MPHOSPH8: variants seen among roughly 807,000 people sequenced by gnomAD.
MPHOSPH8 encodes the protein M-phase phosphoprotein 8.
A neutral mutation model predicts 87.3 loss-of-function variants in MPHOSPH8; 45 were observed. That is an observed-to-expected ratio of 0.52 (90% CI 0.41 to 0.66). MPHOSPH8 has a LOEUF of 0.66. Ranked by LOEUF, MPHOSPH8 falls within the 30% of genes least tolerant of loss-of-function variation. The pLI is 0.00. For synonymous variants in MPHOSPH8, 366 were observed against 376.9 expected (o/e 0.97, Z 0.33); for missense variants, 883 against 1,020.2 (o/e 0.87, Z 1.83).
chr13:19,659,692 C>G (rs1875403793), intron 7 of MPHOSPH8: 1 of 427,416 alleles, frequency 2.3e-6, no homozygotes, highest in African/African-American at 2.1e-5. Context: ...TGCACGTTCA[C>G]TTTGTAAAAT....
At chr13:19,658,429 C>G (rs9551940) in intron 5 of MPHOSPH8, among the ~76,000 whole-genome samples, 1 of 151,716 alleles carries the variant, frequency 6.6e-6, no homozygotes, top group Non-Finnish European at 1.5e-5. Flanking sequence ...TCAGTGTTCC[C>G]GTGCCTGTAG....
intron 1 of MPHOSPH8, among the ~76,000 whole-genome samples, chr13:19,640,657 T>C (rs1407861438): frequency 6.6e-6 from 1 of 152,108 alleles, no homozygotes; most frequent in African/African-American, 2.4e-5. Context: ...AGGTGCCTAC[T>C]ACCACGCCTG....
intron 1 of MPHOSPH8, among the ~76,000 whole-genome samples, chr13:19,641,350 T>G: frequency 6.8e-6 from 1 of 146,778 alleles, no homozygotes; most frequent in Non-Finnish European, 1.5e-5. Flanking sequence ...TGAGATGGAG[T>G]CTCGCTCTTT....
intron 5 of MPHOSPH8, among the ~76,000 whole-genome samples, chr13:19,652,308 C>T (rs557722634): frequency 6.6e-6 from 1 of 152,282 alleles, no homozygotes; most frequent in Admixed American, 6.5e-5. Context: ...GGCGTTGCCT[C>T]ACCTGGGAAA....
At chr13:19,665,318 CAT>C (rs1875752989) in intron 9 of MPHOSPH8, among the ~76,000 whole-genome samples, 1 of 152,184 alleles carries the variant, frequency 6.6e-6, no homozygotes, top group Admixed American at 6.5e-5. Flanking sequence ...AAGATGTAAA[CAT>C]AGTGATTTTC....
intron 7 of MPHOSPH8, among the ~76,000 whole-genome samples, chr13:19,660,491 AC>A (rs1875467246): frequency 6.6e-6 from 1 of 152,104 alleles, no homozygotes; most frequent in African/African-American, 2.4e-5. Flanking sequence ...CTTTGGGATT[AC>A]AATTCACAAA....
intron 7 of MPHOSPH8, 45 bp from the exon 8 acceptor site, chr13:19,661,653 T>A: frequency 6.5e-7 from 1 of 1,536,136 alleles, no homozygotes; most frequent in Non-Finnish European, 8.8e-7. Flanking sequence ...CTGAAATTGT[T>A]CTGACTAAAG....
At position 19,666,352 on chromosome 13, in the gene MPHOSPH8, G is replaced by A. The variant is rs1001717267; in HGVS notation, c.2020-73G>A. 4.9e-6 allele frequency: 7 copies of A among 1,438,446 alleles called. No homozygotes were observed. The African/African-American group carries it at 5.6e-5, about 11-fold the overall frequency. 89.1% of individuals were successfully genotyped at this position (1,438,446 alleles called of 1,614,324 possible). On this transcript the variant is annotated intron_variant, in intron 9 of 13. Coordinates refer to ENST00000361479, the MANE Select transcript of MPHOSPH8 (RefSeq NM_017520.4). Reference sequence around the variant, plus strand: ...CTCTCTTCACAGAACCGCTAAGCATGTATGGAGAAGGGACCAGCACCCATG... The same window carrying A: ...CTCTCTTCACAGAACCGCTAAGCATATATGGAGAAGGGACCAGCACCCATG...
chr13:19,634,169 A>G (rs1873865879), intron 1 of MPHOSPH8, among the ~76,000 whole-genome samples: 1 of 152,138 alleles, frequency 6.6e-6, no homozygotes, highest in Non-Finnish European at 1.5e-5. Flanking sequence ...GCTTCAGCAA[A>G]TTTTGGAGGA....
At chr13:19,639,786 A>G (rs1441999672) in intron 1 of MPHOSPH8, among the ~76,000 whole-genome samples, 1 of 152,202 alleles carries the variant, frequency 6.6e-6, no homozygotes, top group African/African-American at 2.4e-5. Context: ...CCAAATCCAA[A>G]GTCGTGAAAA....
At chr13:19,639,255 C>T (rs1407322867) in intron 1 of MPHOSPH8, among the ~76,000 whole-genome samples, 1 of 151,266 alleles carries the variant, frequency 6.6e-6, no homozygotes, top group East Asian at 1.9e-4. Flanking sequence ...TGCGACTCCT[C>T]CTGAGCAGGA....
In MPHOSPH8 at chr13:19,658,935, C is replaced by T. The variant is rs779350353; in HGVS notation, c.1577-60C>T. On this transcript the variant is annotated intron_variant, in intron 5 of 13. Coordinates refer to ENST00000361479, the MANE Select transcript of MPHOSPH8 (RefSeq NM_017520.4). ...AAGACACCACAAATTTCATAAACAA[C>T]ATTGTGGGTTTTTTATACTTCAGAC... 2.0e-5 allele frequency: 32 copies of T among 1,577,930 alleles called. 1 individual carries two copies. The highest frequency in any genetic ancestry group is 2.8e-5 in the Non-Finnish European group (32 of 1,163,556).
At chr13:19,645,439 G>T (rs1272998806) in intron 2 of MPHOSPH8, among the ~76,000 whole-genome samples, 1 of 152,142 alleles carries the variant, frequency 6.6e-6, no homozygotes, top group Non-Finnish European at 1.5e-5. Flanking sequence ...GTTAACCTTG[G>T]TGGTGTCCAT....
chr13:19,666,267 C>G (rs561920248), intron 9 of MPHOSPH8, among the ~76,000 whole-genome samples, 158 bp from the exon 10 acceptor site: 1 of 152,362 alleles, frequency 6.6e-6, no homozygotes, highest in African/African-American at 2.4e-5. Flanking sequence ...CTGTGTGACT[C>G]CTAACGCTGT....
chr13:19,665,835 CAAG>C (rs1400738594), intron 9 of MPHOSPH8, among the ~76,000 whole-genome samples: 1 of 152,228 alleles, frequency 6.6e-6, no homozygotes, highest in African/African-American at 2.4e-5. Flanking sequence ...GTGACAGAGA[CAAG>C]GAGACAGTCT....
chr13:19,635,598 G>A (rs1273012410), intron 1 of MPHOSPH8, among the ~76,000 whole-genome samples: 1 of 152,154 alleles, frequency 6.6e-6, no homozygotes, highest in Non-Finnish European at 1.5e-5. Context: ...TTCATACAGT[G>A]TTTAATTTTG....
intron 8 of MPHOSPH8, 106 bp downstream of exon 8, chr13:19,661,944 G>GT: frequency 8.0e-7 from 1 of 1,246,196 alleles, no homozygotes; most frequent in Non-Finnish European, 1.0e-6. Flanking sequence ...TGGTCACATC[G>GT]CTTTTTTTTT....
rs1274934557 is a variant in MPHOSPH8, at chr13:19,670,841, C to G, written c.2458-365C>G. The stretch of plus-strand genomic sequence containing the variant: ...ATCACTTTTTTTTTTTTTTTGAAGA[C>G]AGGGTCTCGCTCTGTTGTCCAGGCT... On this transcript the variant is annotated intron_variant, in intron 12 of 13. Transcript: ENST00000361479. 10 of 1,099,516 alleles carry G rather than the reference C, an allele frequency of 9.1e-6. No individual in the cohort carries two copies. The East Asian group carries it at 2.5e-4, about 28-fold the overall frequency. 68.1% of individuals were successfully genotyped at this position (1,099,516 alleles called of 1,614,324 possible). A position where few individuals can be genotyped will look rare whatever the true frequency, so the allele number is the denominator to read the frequency against.
intron 2 of MPHOSPH8, among the ~76,000 whole-genome samples, chr13:19,645,744 CA>C (rs71092387): frequency 0.047 from 3,536 of 75,472 alleles, 143 homozygotes; most frequent in Admixed American, 0.22. Context: ...GACTCTGTCT[CA>C]AAAAAAAAAA....
Sources: gnomAD v4.1 joint callset for allele counts (sites outside exome capture counted in the v4.1 genomes callset) on GRCh38, gnomAD v4.1.1 for gene constraint, MANE v1.5 for transcripts, NCBI Gene and HGNC (gene_info 2026-07-23, HGNC 2026-07-21) for gene names.